YPEL2: variants seen among roughly 807,000 people sequenced by gnomAD.
The protein encoded by YPEL2 is yippee like 2, also known as protein yippee-like 2.
In YPEL2, 2 loss-of-function variants were observed where a neutral mutation model predicts 19.1. That is an observed-to-expected ratio of 0.10 (90% CI 0.04 to 0.33). The LOEUF is 0.33. Among genes scored for constraint, YPEL2 ranks in the 10% least tolerant of loss-of-function variants. The pLI is 1.00. For synonymous variants in YPEL2, 52 were observed against 50.0 expected, an observed-to-expected ratio of 1.04 and a Z score of -0.17; for missense variants, 66 against 140.7, an observed-to-expected ratio of 0.47 and a Z score of 2.68.
intron 2 of YPEL2, among the ~76,000 whole-genome samples, chr17:59,361,888 G>A (rs1011591618): frequency 2.6e-5 from 4 of 152,194 alleles, no homozygotes; most frequent in African/African-American, 9.7e-5. Flanking sequence ...TGATGGGGAG[G>A]AGCTGGTAAA....
At position 59,397,616 on chromosome 17, in the gene YPEL2, G is replaced by GT. The variant is rs1399577147; in HGVS notation, c.*427dup. 6.3e-6 allele frequency: 1 copy of GT among 158,794 alleles called. No homozygotes were observed. Among genetic ancestry groups the GT allele is most frequent in the Non-Finnish European group, 1.4e-5 (1 of 72,636 alleles). 9.8% of individuals were successfully genotyped at this position (158,794 alleles called of 1,614,324 possible). A position where few individuals can be genotyped will look rare whatever the true frequency, so the allele number is the denominator to read the frequency against. ...CCTGGCGCGGGGAAGGGGTGGAAGG[G>GT]TGGAGGTAGGAACAAAATTGCGCCG... is the stretch of plus-strand genomic sequence containing the variant. On this transcript the variant is annotated 3_prime_UTR_variant, in exon 5 of 5. Coordinates refer to ENST00000312655, the MANE Select transcript of YPEL2 (RefSeq NM_001005404.4).
At chr17:59,340,789 A>G (rs891628788) in intron 1 of YPEL2, among the ~76,000 whole-genome samples, 1 of 149,190 alleles carries the variant, frequency 6.7e-6, no homozygotes, top group African/African-American at 2.5e-5. Context: ...CATCTCGGTC[A>G]CTGCAACCTC....
In YPEL2 at chr17:59,388,507, A is replaced by G. The variant is rs1234994460; in HGVS notation, c.161+137A>G. ...ACTCTGTGGAGCATTACTGTCCACAATTGGTAGTCAGTTACCTTTGGGGAA... is the reference window on the plus strand; with the variant it reads ...ACTCTGTGGAGCATTACTGTCCACAGTTGGTAGTCAGTTACCTTTGGGGAA... On this transcript the variant is annotated intron_variant, in intron 3 of 4. Transcript: ENST00000312655. 2.2e-4 allele frequency: 190 copies of G among 867,578 alleles called. 1 individual carries two copies. Among genetic ancestry groups the G allele is most frequent in the Non-Finnish European group, 3.5e-4 (181 of 514,296 alleles). 53.7% of individuals were successfully genotyped at this position (867,578 alleles called of 1,614,324 possible). A position where few individuals can be genotyped will look rare whatever the true frequency, so the allele number is the denominator to read the frequency against.
intron 2 of YPEL2, among the ~76,000 whole-genome samples, chr17:59,368,962 G>C (rs1356352314): frequency 6.6e-6 from 1 of 152,116 alleles, no homozygotes; most frequent in Non-Finnish European, 1.5e-5. Context: ...GTCCCTCCTT[G>C]GTGGTGCCTT....
At chr17:59,388,729 G>T in intron 3 of YPEL2, 2 of 264,596 alleles carry the variant, frequency 7.6e-6, no homozygotes, top group Non-Finnish European at 1.4e-5. Flanking sequence ...GATCTGCTGC[G>T]GGACCTAAGG....
At chr17:59,392,895 C>CG (rs1303210647) in intron 4 of YPEL2, among the ~76,000 whole-genome samples, 1 of 152,182 alleles carries the variant, frequency 6.6e-6, no homozygotes, top group Non-Finnish European at 1.5e-5. Context: ...GGTGATCCCC[C>CG]CACCTTGGTC....
Position 59,353,559 on chromosome 17 carries a change from C to G in YPEL2, c.117+33C>G, listed in dbSNP as rs2047797777. The G allele has an allele frequency of 1.9e-6, 3 of 1,540,334 alleles. No homozygotes were observed. Among genetic ancestry groups the G allele is most frequent in the Non-Finnish European group, 2.7e-6 (3 of 1,113,220 alleles). ...TTTCCAGCAGGCCTTCCTTGCCTAC[C>G]CCGGGGAGGGCGCTTAGTGCTCCTG... On this transcript the variant is annotated intron_variant, in intron 2 of 4. Coordinates refer to ENST00000312655, the MANE Select transcript of YPEL2 (RefSeq NM_001005404.4). This position sits in a 1 kb window ranked among gnomAD's most constrained non-coding sequence, Gnocchi z 4.8.
chr17:59,345,784 G>A (rs945281703), intron 1 of YPEL2, among the ~76,000 whole-genome samples: 3 of 152,100 alleles, frequency 2.0e-5, no homozygotes, highest in African/African-American at 4.8e-5. Flanking sequence ...GTAGCTAATC[G>A]GGATTATTGA....
rs143990024 is a variant in YPEL2, at chr17:59,372,942, C to T, written c.118-15385C>T. 5.4e-4 allele frequency among the ~76,000 whole-genome samples: 82 copies of T among 152,318 alleles called. No homozygotes were observed. In the East Asian group the frequency reaches 0.013, roughly 23 times the overall value. Reference sequence around the variant, plus strand: ...AGTCTGGAGTGCAATGGCATGGTCTCGGCTCACTGCAACCTCTGCCTCCCA... The same window carrying T: ...AGTCTGGAGTGCAATGGCATGGTCTTGGCTCACTGCAACCTCTGCCTCCCA... On this transcript the variant is annotated intron_variant, in intron 2 of 4. Coordinates refer to ENST00000312655, the MANE Select transcript of YPEL2 (RefSeq NM_001005404.4).
chr17:59,346,362 A>G (rs760591023), intron 1 of YPEL2, among the ~76,000 whole-genome samples: 2 of 152,232 alleles, frequency 1.3e-5, no homozygotes, highest in African/African-American at 2.4e-5. Context: ...CCAGCAGTGT[A>G]AAGAATAGGC....
chr17:59,333,280 A>T (rs716317), intron 1 of YPEL2, among the ~76,000 whole-genome samples: 2 of 152,104 alleles, frequency 1.3e-5, no homozygotes, highest in African/African-American at 4.8e-5. Context: ...CCCTGTCCCC[A>T]GCTCCATGAT....
intron 1 of YPEL2, among the ~76,000 whole-genome samples, chr17:59,347,759 G>A (rs932120917): frequency 1.3e-5 from 2 of 152,160 alleles, no homozygotes; most frequent in Non-Finnish European, 2.9e-5. Context: ...ATCTCAAAGA[G>A]ATGCTTGAAG....
At chr17:59,394,398 C>G (rs1277981465) in intron 4 of YPEL2, among the ~76,000 whole-genome samples, 1 of 148,008 alleles carries the variant, frequency 6.8e-6, no homozygotes, top group Non-Finnish European at 1.5e-5. Flanking sequence ...GAGGCGCTCC[C>G]CACATCTCAG....
rs2047713483 is a variant in YPEL2 at position 59,339,007 on chromosome 17, A to T, written c.-196+7183A>T. ...GTGCTTGATCCCTCTGGCAGGAGCT[A>T]CCAAGCAGCCTTGGCTTTTGGCCCC... On this transcript the variant is annotated intron_variant, in intron 1 of 4. Transcript: ENST00000312655. 2.0e-5 allele frequency among the ~76,000 whole-genome samples: 3 copies of T among 152,210 alleles called. No individual in the cohort carries two copies. In the South Asian group the frequency reaches 6.2e-4, roughly 31 times the overall value.
At chr17:59,357,180 T>A (rs1195435640) in intron 2 of YPEL2, among the ~76,000 whole-genome samples, 2 of 152,180 alleles carry the variant, frequency 1.3e-5, no homozygotes, top group Non-Finnish European at 2.9e-5. Context: ...GTAGTCTGTT[T>A]GCTTCTCTTG....
intron 2 of YPEL2, among the ~76,000 whole-genome samples, chr17:59,362,015 A>G (rs1312570182): frequency 6.6e-6 from 1 of 152,238 alleles, no homozygotes; most frequent in Non-Finnish European, 1.5e-5. Context: ...CCAGATTATT[A>G]GAAGAATAGA....
At chr17:59,384,522 C>G (rs988193211) in intron 2 of YPEL2, among the ~76,000 whole-genome samples, 7 of 152,168 alleles carry the variant, frequency 4.6e-5, no homozygotes, top group Admixed American at 3.9e-4. Flanking sequence ...AGAAAAAGAA[C>G]ACCTTTGTCA....
At position 59,399,848 on chromosome 17, in the gene YPEL2, A is replaced by G. The variant is rs1205242679; in HGVS notation, c.*2658A>G. ...GACTTAGAGCATAACCAAAGACCTC[A>G]TTCATTCACCCCAGGTGGGTTGGGG... On this transcript the variant is annotated 3_prime_UTR_variant, in exon 5 of 5. Coordinates refer to ENST00000312655, the MANE Select transcript of YPEL2 (RefSeq NM_001005404.4). 2 of 152,594 alleles carry G rather than the reference A, an allele frequency of 1.3e-5. No individual in the cohort carries two copies. The highest frequency in any genetic ancestry group is 4.8e-5 in the African/African-American group (2 of 41,432). The allele number at this position is 152,594 out of a possible 1,614,324, so 9.5% of individuals were successfully genotyped here. A position where few individuals can be genotyped will look rare whatever the true frequency, so the allele number is the denominator to read the frequency against.
intron 2 of YPEL2, among the ~76,000 whole-genome samples, chr17:59,376,923 T>C (rs2047923809): frequency 8.8e-6 from 1 of 113,612 alleles, no homozygotes; most frequent in South Asian, 2.9e-4. Flanking sequence ...CACTCCAACC[T>C]GAGTGACAAG....
Sources: allele counts gnomAD v4.1 joint callset (sites outside exome capture counted in the v4.1 genomes callset), GRCh38; gene constraint gnomAD v4.1.1; non-coding constraint Gnocchi (gnomAD v3.1); transcripts MANE v1.5; gene names NCBI Gene and HGNC (gene_info 2026-07-23, HGNC 2026-07-21).